Variants in CPNE8 observed in about 807,000 individuals in gnomAD.
The protein encoded by CPNE8 is copine-8.
A neutral mutation model predicts 81.5 loss-of-function variants in CPNE8; 45 were observed. That is an observed-to-expected ratio of 0.55 (90% CI 0.44 to 0.71). The LOEUF (loss-of-function observed/expected upper bound fraction) is 0.71, where lower values mean the gene tolerates loss of function less well. Ranked by LOEUF, CPNE8 falls within the 30% of genes least tolerant of loss-of-function variation. The pLI, the probability that CPNE8 is intolerant of heterozygous loss-of-function variation, is 0.00. For synonymous variants in CPNE8, 252 were observed against 226.3 expected (o/e 1.11, Z -1.02); for missense variants, 594 against 672.1 (o/e 0.88, Z 1.28).
chr12:38,796,564 A>C (rs1367481842), intron 6 of CPNE8, among the ~76,000 whole-genome samples: 2 of 152,202 alleles, frequency 1.3e-5, no homozygotes, highest in Non-Finnish European at 2.9e-5. Flanking sequence ...AAAGGGAGGC[A>C]GCCAAGATGG....
At chr12:38,686,433 A>G (rs1939536287) in intron 15 of CPNE8, among the ~76,000 whole-genome samples, 1 of 152,284 alleles carries the variant, frequency 6.6e-6, no homozygotes, top group Non-Finnish European at 1.5e-5. Flanking sequence ...GCTTTTTCAC[A>G]CCTTAAATGC....
In CPNE8 at chr12:38,786,658, C is replaced by T. The variant is rs79893692; in HGVS notation, c.408-10357G>A. ...ACCCTGATTAATACAATATCCCATG[C>T]AAATGGAAACCAAATAAGAGTAGGA... is the stretch of plus-strand genomic sequence containing the variant. On this transcript the variant is annotated intron_variant, in intron 6 of 19. Transcript: ENST00000331366. Among the ~76,000 whole-genome samples the T allele has an allele frequency of 3.6e-3, 555 of 152,096 alleles. 2 individuals carry two copies. Among genetic ancestry groups the T allele is most frequent in the African/African-American group, 0.013 (532 of 41,492 alleles).
intron 3 of CPNE8, among the ~76,000 whole-genome samples, chr12:38,865,660 T>C (rs1485163046): frequency 6.6e-6 from 1 of 152,222 alleles, no homozygotes; most frequent in African/African-American, 2.4e-5. Context: ...GTTCCCTTTC[T>C]TCATCTAGAT....
chr12:38,860,385 CAAAAAAAAAA>C (rs36025286), intron 3 of CPNE8, among the ~76,000 whole-genome samples: 1 of 111,316 alleles, frequency 9.0e-6, no homozygotes, highest in South Asian at 3.2e-4. Context: ...TGGCTATTAT[CAAAAAAAAAA>C]AAAAAAAAAA....
At chr12:38,747,358 G>A (rs1028049035) in intron 10 of CPNE8, among the ~76,000 whole-genome samples, 1 of 152,106 alleles carries the variant, frequency 6.6e-6, no homozygotes, top group African/African-American at 2.4e-5. Flanking sequence ...ATGAATTTAA[G>A]TTATTTAGCC....
chr12:38,843,577 G>A (rs1025065139), intron 4 of CPNE8, among the ~76,000 whole-genome samples: 2 of 152,008 alleles, frequency 1.3e-5, no homozygotes, highest in African/African-American at 4.8e-5. Flanking sequence ...TAAGCTACGG[G>A]GCCCTGCTGC....
chr12:38,784,740 GA>G (rs965747141), intron 6 of CPNE8, among the ~76,000 whole-genome samples: 19 of 147,860 alleles, frequency 1.3e-4, no homozygotes, highest in African/African-American at 3.5e-4. Context: ...AATGCTGAAG[GA>G]AAAAAAAAAC....
intron 9 of CPNE8, among the ~76,000 whole-genome samples, chr12:38,761,247 C>T (rs1329981357): frequency 2.0e-5 from 3 of 152,272 alleles, no homozygotes; most frequent in African/African-American, 4.8e-5. Flanking sequence ...ATATGGAGCA[C>T]TTGTCAAAAC....
intron 4 of CPNE8, among the ~76,000 whole-genome samples, chr12:38,842,905 A>C (rs1943497108): frequency 6.6e-6 from 1 of 151,964 alleles, no homozygotes; most frequent in Non-Finnish European, 1.5e-5. Flanking sequence ...CTTTTAACAC[A>C]ATTTTTCTTC....
At chr12:38,868,814 T>C (rs1288092377) in intron 3 of CPNE8, among the ~76,000 whole-genome samples, 1 of 152,200 alleles carries the variant, frequency 6.6e-6, no homozygotes, top group African/African-American at 2.4e-5. Flanking sequence ...GTACTGTGAA[T>C]TGTTCAGTCT....
At chr12:38,729,414 C>T (rs1431642736) in intron 11 of CPNE8, among the ~76,000 whole-genome samples, 1 of 152,016 alleles carries the variant, frequency 6.6e-6, no homozygotes, top group Admixed American at 6.6e-5. Context: ...CTACACAAAA[C>T]ATATTTTATA....
At chr12:38,887,440 A>C (rs190045921) in intron 1 of CPNE8, among the ~76,000 whole-genome samples, 1 of 152,310 alleles carries the variant, frequency 6.6e-6, no homozygotes, top group African/African-American at 2.4e-5. Context: ...ATAAATGCAC[A>C]AAGAGATATC....
chr12:38,702,971 A>C (rs756910756), intron 13 of CPNE8, 50 bp from the exon 14 acceptor site: 2 of 1,254,472 alleles, frequency 1.6e-6, no homozygotes, highest in African/African-American at 3.1e-5. Flanking sequence ...ACCTGATAAA[A>C]GGAGTTTCTT....
rs966079256 is a variant in CPNE8, at chr12:38,874,063, G to A, written c.139+408C>T. Among the ~76,000 whole-genome samples the A allele has an allele frequency of 3.3e-5, 5 of 150,246 alleles. No homozygotes were observed. The South Asian group carries it at 6.3e-4, about 19-fold the overall frequency. ...AATAGTCCTGCTTCGGCCTCCCAAAGTGCTGGGATTATAGGCATGAACCAC... is the reference window on the plus strand; with the variant it reads ...AATAGTCCTGCTTCGGCCTCCCAAAATGCTGGGATTATAGGCATGAACCAC... On this transcript the variant is annotated intron_variant, in intron 2 of 19. Coordinates refer to ENST00000331366, the MANE Select transcript of CPNE8 (RefSeq NM_153634.3).
intron 3 of CPNE8, among the ~76,000 whole-genome samples, chr12:38,849,012 A>G (rs778620882): frequency 2.2e-4 from 33 of 152,204 alleles, no homozygotes; most frequent in Non-Finnish European, 3.2e-4. Context: ...TAAGAAGGCC[A>G]GACACTACAT....
intron 3 of CPNE8, among the ~76,000 whole-genome samples, chr12:38,867,339 T>TGTGTGTGA (rs942285728): frequency 1.1e-4 from 14 of 122,092 alleles, no homozygotes; most frequent in Admixed American, 3.5e-4. Context: ...TGTGTGTGTG[T>TGTGTGTGA]GAGAGAGAGA....
chr12:38,742,536 G>T (rs1941131645), intron 10 of CPNE8, among the ~76,000 whole-genome samples: 1 of 141,026 alleles, frequency 7.1e-6, no homozygotes, highest in Admixed American at 7.2e-5. Flanking sequence ...TTGTGGGGTG[G>T]AGGGAGTGGG....
chr12:38,682,074 G>T lies in CPNE8; in HGVS notation c.1271+3416C>A, dbSNP rs1194318931. ...GTCTCTTCTAAAGATACAAAAATTA[G>T]CCAGGTGTGGTGGCACATACCAGTA... On this transcript the variant is annotated intron_variant, in intron 16 of 19. Coordinates refer to ENST00000331366, the MANE Select transcript of CPNE8 (RefSeq NM_153634.3). Among the ~76,000 whole-genome samples, 3 of 152,114 alleles carry T rather than the reference G, an allele frequency of 2.0e-5. No individual in the cohort carries two copies. In the East Asian group the frequency reaches 5.8e-4, roughly 30 times the overall value.
chr12:38,714,393 T>C (rs1017188164), intron 13 of CPNE8, among the ~76,000 whole-genome samples: 80 of 152,134 alleles, frequency 5.3e-4, no homozygotes, highest in African/African-American at 1.8e-3. Context: ...CAAATTTTAA[T>C]ATCTAAAATT....
Sources: allele counts gnomAD v4.1 joint callset (sites outside exome capture counted in the v4.1 genomes callset), GRCh38; gene constraint gnomAD v4.1.1; transcripts MANE v1.5; gene names NCBI Gene and HGNC (gene_info 2026-07-23, HGNC 2026-07-21).